ADAM18: variants seen among roughly 807,000 people sequenced by gnomAD.
ADAM18 encodes the protein ADAM metallopeptidase domain 18.
ADAM18 carries 117 observed loss-of-function variants against 94.4 expected under a neutral mutation model. The observed-to-expected ratio is 1.24, with a 90% CI of 1.07 to 1.45. ADAM18 has a LOEUF of 1.45. Among genes scored for constraint, ADAM18 ranks in the 40% most tolerant of loss-of-function variants. The pLI is 0.00. For synonymous variants in ADAM18, 327 were observed against 291.6 expected, an observed-to-expected ratio of 1.12 and a Z score of -1.24; for missense variants, 936 against 880.0, an observed-to-expected ratio of 1.06 and a Z score of -0.81.
At chr8:39,674,449 C>CA (rs2129580400) in intron 14 of ADAM18, among the ~76,000 whole-genome samples, 1 of 151,956 alleles carries the variant, frequency 6.6e-6, no homozygotes, top group East Asian at 1.9e-4. Flanking sequence ...GCAACCCCTG[C>CA]TTTTTTTTGC....
chr8:39,594,390 C>T (rs1585877166), intron 2 of ADAM18, among the ~76,000 whole-genome samples: 2 of 152,122 alleles, frequency 1.3e-5, no homozygotes, highest in East Asian at 3.9e-4. Flanking sequence ...TTGTAATTAC[C>T]CATACTTTCC....
chr8:39,650,966 A>G (rs139235024), intron 12 of ADAM18, among the ~76,000 whole-genome samples: 2,836 of 152,320 alleles, frequency 0.019, 80 homozygotes, highest in African/African-American at 0.065. Context: ...GAGTTCCCTC[A>G]GTATTTATTG....
chr8:39,662,216 G>A (rs983064741), intron 12 of ADAM18, among the ~76,000 whole-genome samples: 2 of 152,018 alleles, frequency 1.3e-5, no homozygotes, highest in East Asian at 1.9e-4. Flanking sequence ...TACAGGGAGA[G>A]CGTCTTCATT....
chr8:39,677,584 A>G (rs774129422), intron 15 of ADAM18, 48 bp downstream of exon 15: 2 of 1,415,722 alleles, frequency 1.4e-6, no homozygotes, highest in Non-Finnish European at 9.6e-7. Flanking sequence ...AAAATTATGT[A>G]TTTTTATCAA....
chr8:39,677,361 T>A, intron 14 of ADAM18, 70 bp from the exon 15 acceptor site: 1 of 1,245,612 alleles, frequency 8.0e-7, no homozygotes, highest in Non-Finnish European at 1.1e-6. Context: ...TAAATTTCCT[T>A]AGTCTGTTAC....
At chr8:39,692,160 A>G (rs556090612) in intron 16 of ADAM18, among the ~76,000 whole-genome samples, 45 of 151,912 alleles carry the variant, frequency 3.0e-4, no homozygotes, top group Non-Finnish European at 5.9e-4. Flanking sequence ...GAATCTTATA[A>G]CAAAGATTCA....
chr8:39,712,194 C>T (rs1244760958), intron 18 of ADAM18, among the ~76,000 whole-genome samples: 1 of 151,792 alleles, frequency 6.6e-6, no homozygotes, highest in Non-Finnish European at 1.5e-5. Flanking sequence ...TGACAAAAAC[C>T]ACGATTATCT....
At position 39,658,895 on chromosome 8, in the gene ADAM18, C is replaced by CTT. The variant is rs903514206; in HGVS notation, c.1231-4897_1231-4896dup. On this transcript the variant is annotated intron_variant, in intron 12 of 19. Coordinates refer to ENST00000265707, the MANE Select transcript of ADAM18 (RefSeq NM_014237.3). ...TTGGAGGGCAGATGTGCTATTACAA[C>CTT]TTTTCTTATTTGAGTTGTGGAGAGG... 4.7e-4 allele frequency among the ~76,000 whole-genome samples: 72 copies of CTT among 152,242 alleles called. 1 individual carries two copies. Among genetic ancestry groups the CTT allele is most frequent in the African/African-American group, 1.7e-3 (69 of 41,546 alleles).
In ADAM18 at chr8:39,697,415, T is replaced by C. The variant is rs533466094; in HGVS notation, c.1902+4735T>C. On this transcript the variant is annotated intron_variant, in intron 17 of 19. Coordinates refer to ENST00000265707, the MANE Select transcript of ADAM18 (RefSeq NM_014237.3). The stretch of plus-strand genomic sequence containing the variant: ...TTGCTGTATAACATAAATTTTTGTA[T>C]GTTGTGTTTTTATTTACATTTCTCA... Among the ~76,000 whole-genome samples the C allele has an allele frequency of 2.6e-5, 4 of 151,856 alleles. No individual in the cohort carries two copies. In the East Asian group the frequency reaches 5.8e-4, roughly 22 times the overall value.
chr8:39,697,225 TC>T (rs1821951128), intron 17 of ADAM18, among the ~76,000 whole-genome samples: 1 of 151,702 alleles, frequency 6.6e-6, no homozygotes, highest in Non-Finnish European at 1.5e-5. Flanking sequence ...TGATTTTGTA[TC>T]CTGCAACTTT....
At position 39,677,461 on chromosome 8, in the gene ADAM18, A is replaced by C; in HGVS notation, c.1556A>C (p.Lys519Thr). ...GAQGAPFACF[K>T]EVNSLHERSE... ...CAAGGTGCTCCATTTGCCTGTTTTA[A>C]AGAAGTTAATTCTCTGCATGAAAGA... Residue 519 changes from lysine to threonine, a missense_variant, in exon 15 of 20, where the codon AAA becomes ACA. By Grantham distance (78) the Lys-to-Thr change is moderately conservative. Coordinates refer to ENST00000265707, the MANE Select transcript of ADAM18 (RefSeq NM_014237.3). 1 of 1,609,442 alleles carries C rather than the reference A, an allele frequency of 6.2e-7. No individual in the cohort carries two copies. The highest frequency in any genetic ancestry group is 8.5e-7 in the Non-Finnish European group (1 of 1,179,044).
chr8:39,660,006 G>A (rs1423185882), intron 12 of ADAM18, among the ~76,000 whole-genome samples: 2 of 152,108 alleles, frequency 1.3e-5, no homozygotes, highest in Admixed American at 6.5e-5. Flanking sequence ...GTTTTTGTAT[G>A]TGACTGAAGT....
chr8:39,603,244 AT>A (rs1818962194), intron 2 of ADAM18, among the ~76,000 whole-genome samples: 2 of 152,036 alleles, frequency 1.3e-5, no homozygotes, highest in Admixed American at 1.3e-4. Flanking sequence ...TGCCAATATC[AT>A]TCTGTCTTGA....
At position 39,661,315 on chromosome 8, in the gene ADAM18, G is replaced by A. The variant is rs553255484; in HGVS notation, c.1231-2480G>A. On this transcript the variant is annotated intron_variant, in intron 12 of 19. Transcript: ENST00000265707. ...CTACAGGCGCCCACCACCACACCCG[G>A]CAAATTTTTTTTTTTTTTTTTTTTT... Among the ~76,000 whole-genome samples the A allele has an allele frequency of 4.5e-4, 58 of 128,692 alleles. 1 individual carries two copies. Among genetic ancestry groups the A allele is most frequent in the Non-Finnish European group, 5.6e-4 (36 of 63,784 alleles). The allele number at this position is 128,692 out of a possible 152,430, so 84.4% of individuals were successfully genotyped here.
At chr8:39,598,582 A>G (rs755705167) in intron 2 of ADAM18, among the ~76,000 whole-genome samples, 1 of 151,984 alleles carries the variant, frequency 6.6e-6, no homozygotes, top group Non-Finnish European at 1.5e-5. Context: ...TGCCTGGCCA[A>G]CATGGCAAAA....
chr8:39,723,585 A>C (rs1822817902), intron 18 of ADAM18, among the ~76,000 whole-genome samples, 163 bp from the exon 19 acceptor site: 1 of 151,724 alleles, frequency 6.6e-6, no homozygotes. Flanking sequence ...AAAATCTATG[A>C]AAAATATAGC....
intron 6 of ADAM18, among the ~76,000 whole-genome samples, chr8:39,626,641 A>G (rs558796477): frequency 1.3e-5 from 2 of 152,096 alleles, no homozygotes; most frequent in African/African-American, 2.4e-5. Flanking sequence ...TTAAATTTTC[A>G]TCTTGAGTTT....
intron 16 of ADAM18, among the ~76,000 whole-genome samples, chr8:39,680,673 C>T (rs946516182): frequency 2.0e-5 from 3 of 152,122 alleles, no homozygotes; most frequent in Non-Finnish European, 4.4e-5. Flanking sequence ...CATATACAGG[C>T]TCATGCGTAT....
chr8:39,615,324 G>C (rs1819405753), intron 6 of ADAM18, among the ~76,000 whole-genome samples: 1 of 151,298 alleles, frequency 6.6e-6, no homozygotes, highest in African/African-American at 2.4e-5. Flanking sequence ...ACAATTACAT[G>C]AAAAGTCAGC....
Sources: allele counts gnomAD v4.1 joint callset (sites outside exome capture counted in the v4.1 genomes callset), GRCh38; gene constraint gnomAD v4.1.1; transcripts MANE v1.5; gene names NCBI Gene and HGNC (gene_info 2026-07-23, HGNC 2026-07-21).